ANKFN1: variants seen among roughly 807,000 people sequenced by gnomAD.
The protein encoded by ANKFN1 is ankyrin repeat and fibronectin type-III domain-containing protein 1.
ANKFN1 carries 74 observed loss-of-function variants against 108.7 expected under a neutral mutation model. The ratio of observed to expected loss-of-function variants is 0.68; its 90% CI spans 0.56 to 0.83. The LOEUF is 0.83. Among genes scored for constraint, ANKFN1 ranks in the 40% least tolerant of loss-of-function variants. The pLI, the probability that ANKFN1 is intolerant of heterozygous loss-of-function variation, is 0.00. For missense variants in ANKFN1, 1,505 were observed against 1,382.3 expected, an observed-to-expected ratio of 1.09 and a Z score of -1.41; for synonymous variants, 547 against 516.2, an observed-to-expected ratio of 1.06 and a Z score of -0.81.
At chr17:56,365,342 A>T (rs2046631045) in intron 6 of ANKFN1, among the ~76,000 whole-genome samples, 1 of 152,228 alleles carries the variant, frequency 6.6e-6, no homozygotes, top group African/African-American at 2.4e-5. Context: ...TTATAAAACA[A>T]GTATTTTGAT....
chr17:56,506,667 C>G (rs2051580442), intron 20 of ANKFN1, among the ~76,000 whole-genome samples: 1 of 150,888 alleles, frequency 6.6e-6, no homozygotes, highest in Non-Finnish European at 1.5e-5. Flanking sequence ...GTATGTTTCT[C>G]TAGTAGCAGC....
chr17:56,177,326 C>T (rs1174864596), intron 1 of ANKFN1, among the ~76,000 whole-genome samples: 1 of 152,202 alleles, frequency 6.6e-6, no homozygotes, highest in Non-Finnish European at 1.5e-5. Flanking sequence ...TCTGCCACTG[C>T]CCAACAACAC....
At chr17:56,217,138 T>C (rs1354365136) in intron 2 of ANKFN1, among the ~76,000 whole-genome samples, 1 of 152,122 alleles carries the variant, frequency 6.6e-6, no homozygotes, top group Non-Finnish European at 1.5e-5. Context: ...ATACGAAGCA[T>C]CCCTGTCATT....
chr17:56,193,587 A>G (rs2143709055), intron 1 of ANKFN1, among the ~76,000 whole-genome samples: 1 of 152,214 alleles, frequency 6.6e-6, no homozygotes, highest in African/African-American at 2.4e-5. Flanking sequence ...TTTTAAAAAA[A>G]AAAAAAAGAA....
chr17:56,478,219 C>T (rs2050576526), intron 16 of ANKFN1, among the ~76,000 whole-genome samples: 1 of 152,196 alleles, frequency 6.6e-6, no homozygotes, highest in South Asian at 2.1e-4. Context: ...CTTTCACATT[C>T]CCCTCTATGT....
chr17:56,123,398 C>A lies in ANKFN1; in HGVS notation c.288+77073C>A, dbSNP rs535761829. 1.1e-3 allele frequency among the ~76,000 whole-genome samples: 171 copies of A among 152,214 alleles called. 2 individuals are homozygous for A. Among genetic ancestry groups the A allele is most frequent in the African/African-American group, 3.9e-3 (164 of 41,534 alleles). ...GGCTTGAAGATGATGGGGAGGGCAG[C>A]GGTAGGAATATGCCAGAACCATCTG... On this transcript the variant is annotated intron_variant, in intron 4 of 12. Transcript: ENST00000635860.
intron 3 of ANKFN1, among the ~76,000 whole-genome samples, chr17:56,249,467 C>A (rs1369269013): frequency 6.6e-6 from 1 of 151,914 alleles, no homozygotes; most frequent in East Asian, 1.9e-4. Context: ...AAATTAATTT[C>A]TCATCTGCAA....
intron 2 of ANKFN1, among the ~76,000 whole-genome samples, chr17:56,225,821 A>G (rs1021323261): frequency 1.3e-5 from 2 of 152,242 alleles, no homozygotes; most frequent in African/African-American, 2.4e-5. Context: ...TTGAATAGAT[A>G]CATAATGCAG....
intron 3 of ANKFN1, among the ~76,000 whole-genome samples, chr17:56,248,900 AG>A (rs1382120922): frequency 6.6e-6 from 1 of 152,198 alleles, no homozygotes; most frequent in African/African-American, 2.4e-5. Flanking sequence ...ACAGCCAAAA[AG>A]GTCCATTATC....
intron 3 of ANKFN1, among the ~76,000 whole-genome samples, chr17:56,289,365 G>C (rs1162865320): frequency 6.6e-6 from 1 of 152,130 alleles, no homozygotes; most frequent in African/African-American, 2.4e-5. Context: ...GGTCTGACTA[G>C]AAGGCCTCTA....
At chr17:56,319,475 G>A (rs1159051912) in intron 3 of ANKFN1, among the ~76,000 whole-genome samples, 2 of 152,112 alleles carry the variant, frequency 1.3e-5, no homozygotes, top group African/African-American at 2.4e-5. Flanking sequence ...CCAGAGGAAC[G>A]GCCAAAATGA....
intron 4 of ANKFN1, among the ~76,000 whole-genome samples, chr17:56,330,064 G>C (rs916123131): frequency 6.6e-6 from 1 of 152,122 alleles, no homozygotes; most frequent in Non-Finnish European, 1.5e-5. Context: ...CAGCCTGAAG[G>C]GACTAAGACA....
In ANKFN1 at chr17:56,510,885, C is replaced by T. The variant is rs1427845094; in HGVS notation, c.3057C>T (p.Arg1019=). ...GGFSRHHRWL[R]IHSETQSLSL... ...TCAGCCGCCATCATCGCTGGTTGCG[C>T]ATCCACAGCGAGACCCAGTCGCTAT... is the stretch of plus-strand genomic sequence containing the variant. The change falls in exon 21 of 21, where the codon CGC becomes CGT. Residue 1019 remains arginine (R), a synonymous_variant. Coordinates refer to ENST00000682825, the MANE Select transcript of ANKFN1 (RefSeq NM_001370326.1). The T allele has an allele frequency of 6.5e-6, 10 of 1,536,074 alleles. No individual in the cohort carries two copies. The South Asian group carries it at 1.2e-4, about 18-fold the overall frequency.
chr17:56,358,545 T>C (rs1439390600), intron 6 of ANKFN1, among the ~76,000 whole-genome samples: 1 of 152,228 alleles, frequency 6.6e-6, no homozygotes, highest in Non-Finnish European at 1.5e-5. Flanking sequence ...TAGACGAATC[T>C]ACTATCTTTA....
At chr17:56,385,385 A>G (rs915699816) in intron 8 of ANKFN1, among the ~76,000 whole-genome samples, 2 of 152,248 alleles carry the variant, frequency 1.3e-5, no homozygotes, top group Non-Finnish European at 2.9e-5. Flanking sequence ...AAGCCTAGGC[A>G]TTACCATTCA....
chr17:56,126,362 G>A (rs193269347), intron 4 of ANKFN1, among the ~76,000 whole-genome samples: 3 of 152,142 alleles, frequency 2.0e-5, no homozygotes, highest in African/African-American at 7.2e-5. Context: ...CACAATGAAG[G>A]CATGCTGTCT....
At chr17:56,130,815 CA>C (rs1390647681) in intron 4 of ANKFN1, among the ~76,000 whole-genome samples, 7 of 152,116 alleles carry the variant, frequency 4.6e-5, no homozygotes, top group African/African-American at 1.7e-4. Context: ...TTGATGTGCA[CA>C]CTGGCAAGCA....
intron 8 of ANKFN1, among the ~76,000 whole-genome samples, chr17:56,419,939 C>T (rs566011772): frequency 6.6e-6 from 1 of 152,192 alleles, no homozygotes; most frequent in South Asian, 2.1e-4. Flanking sequence ...GTCCATAGTC[C>T]TAAATAGACA....
intron 4 of ANKFN1, among the ~76,000 whole-genome samples, chr17:56,069,531 G>T (rs950812776): frequency 6.6e-6 from 1 of 152,154 alleles, no homozygotes; most frequent in Non-Finnish European, 1.5e-5. Flanking sequence ...GTGCATCTTG[G>T]TTTGCTCCCT....
Sources: gnomAD v4.1 joint callset for allele counts (sites outside exome capture counted in the v4.1 genomes callset) on GRCh38, gnomAD v4.1.1 for gene constraint, MANE v1.5 for transcripts, NCBI Gene and HGNC (gene_info 2026-07-23, HGNC 2026-07-21) for gene names.